NCKAP5: variants seen among roughly 807,000 people sequenced by gnomAD.
NCKAP5 encodes nck-associated protein 5.
In NCKAP5, 92 loss-of-function variants were observed where a neutral mutation model predicts 167.0. The ratio of observed to expected loss-of-function variants is 0.55; its 90% CI spans 0.47 to 0.66. NCKAP5 has a LOEUF of 0.66. Ranked by LOEUF, NCKAP5 falls within the 30% of genes least tolerant of loss-of-function variation. NCKAP5 has a pLI of 0.00. For synonymous variants in NCKAP5, 891 were observed against 877.4 expected (o/e 1.02, Z -0.27); for missense variants, 2,378 against 2,315.0 (o/e 1.03, Z -0.56).
In NCKAP5 at chr2:133,277,261, T is replaced by C. The variant is rs112538253; in HGVS notation, c.143+25776A>G. ...AAAACTGTATTTGTAGATGACATGG[T>C]AGTACTCCTGGAAAATGAAGAAAAT... On this transcript the variant is annotated intron_variant, in intron 4 of 19. Transcript: ENST00000409261. Among the ~76,000 whole-genome samples, 636 of 152,264 alleles carry C rather than the reference T, an allele frequency of 4.2e-3. 5 individuals are homozygous for C. Among genetic ancestry groups the C allele is most frequent in the African/African-American group, 0.015 (607 of 41,542 alleles).
At chr2:132,788,685 C>T (rs916423363) in intron 13 of NCKAP5, among the ~76,000 whole-genome samples, 6 of 152,140 alleles carry the variant, frequency 3.9e-5, no homozygotes, top group African/African-American at 1.4e-4. Flanking sequence ...GTAGGGCAGG[C>T]TAGTGCATTT....
In NCKAP5 at chr2:133,441,020, G is replaced by A. The variant is rs1428858459; in HGVS notation, c.69+76438C>T. 2.6e-5 allele frequency among the ~76,000 whole-genome samples: 4 copies of A among 151,976 alleles called. No homozygotes were observed. In the South Asian group the frequency reaches 6.2e-4, roughly 24 times the overall value. On this transcript the variant is annotated intron_variant, in intron 3 of 19. Coordinates refer to ENST00000409261, the MANE Select transcript of NCKAP5 (RefSeq NM_207363.3). Reference sequence around the variant, plus strand: ...CTGTGAAGAAATAATACATGTTCTTGCCTTTAAAGCTCCACATATTAGAAA... The same window carrying A: ...CTGTGAAGAAATAATACATGTTCTTACCTTTAAAGCTCCACATATTAGAAA...
At chr2:133,346,735 C>T (rs1445057874) in intron 3 of NCKAP5, among the ~76,000 whole-genome samples, 1 of 152,206 alleles carries the variant, frequency 6.6e-6, no homozygotes, top group African/African-American at 2.4e-5. Context: ...TAAATGTGTG[C>T]AACCAAGCTT....
chr2:133,123,112 T>A (rs754568351), intron 6 of NCKAP5: 20 of 152,270 alleles, frequency 1.3e-4, no homozygotes, highest in Non-Finnish European at 2.9e-4. Flanking sequence ...CAGGGATGAA[T>A]AATAGGCAAC....
intron 6 of NCKAP5, among the ~76,000 whole-genome samples, chr2:133,054,302 C>T (rs563933595): frequency 6.6e-6 from 1 of 152,170 alleles, no homozygotes; most frequent in South Asian, 2.1e-4. Flanking sequence ...AGGGAGAGAA[C>T]CTGTACAGAA....
intron 3 of NCKAP5, among the ~76,000 whole-genome samples, chr2:133,457,158 G>A (rs187652407): frequency 2.6e-5 from 4 of 152,236 alleles, no homozygotes; most frequent in Non-Finnish European, 4.4e-5. Context: ...CCATGTGGCC[G>A]GCCTGGAGAC....
At chr2:132,926,635 T>C (rs1398182051) in intron 8 of NCKAP5, among the ~76,000 whole-genome samples, 1 of 152,194 alleles carries the variant, frequency 6.6e-6, no homozygotes, top group African/African-American at 2.4e-5. Flanking sequence ...AATTAATGTT[T>C]AGCATTTTTT....
the NCKAP5 span, among the ~76,000 whole-genome samples, chr2:133,651,672 C>T: frequency 6.6e-6 from 1 of 152,006 alleles, no homozygotes; most frequent in Non-Finnish European, 1.5e-5. Context: ...TGTATTTATC[C>T]AAAAGAAATC....
chr2:133,574,177 T>G, the NCKAP5 span, among the ~76,000 whole-genome samples: 2 of 152,206 alleles, frequency 1.3e-5, no homozygotes, highest in African/African-American at 4.8e-5. Context: ...GTGTGAAACC[T>G]GGCTTATTGT....
At chr2:132,749,925 A>G (rs188301999) in intron 16 of NCKAP5, among the ~76,000 whole-genome samples, 1 of 152,286 alleles carries the variant, frequency 6.6e-6, no homozygotes, top group Non-Finnish European at 1.5e-5. Context: ...TTAAACTATG[A>G]TGCCATGAGC....
chr2:132,975,951 G>A (rs1302308527), intron 7 of NCKAP5, among the ~76,000 whole-genome samples: 1 of 152,176 alleles, frequency 6.6e-6, no homozygotes, highest in Admixed American at 6.5e-5. Flanking sequence ...GTTGTAAATG[G>A]TAGGTGGGTG....
intron 16 of NCKAP5, among the ~76,000 whole-genome samples, chr2:132,762,554 A>G (rs538029376): frequency 2.0e-5 from 3 of 152,100 alleles, no homozygotes; most frequent in Non-Finnish European, 4.4e-5. Context: ...CTTACTTAAT[A>G]TGTCTCACTG....
chr2:133,516,691 A>G (rs926857066), intron 3 of NCKAP5, among the ~76,000 whole-genome samples: 2 of 152,236 alleles, frequency 1.3e-5, no homozygotes, highest in African/African-American at 2.4e-5. Context: ...GGTGCTGAGC[A>G]TATACAAGTG....
chr2:133,492,568 T>C (rs1008277930), intron 3 of NCKAP5, among the ~76,000 whole-genome samples: 2 of 152,330 alleles, frequency 1.3e-5, no homozygotes, highest in Non-Finnish European at 1.5e-5. Context: ...AGGTTCTGTC[T>C]CTAACTAGTT....
intron 11 of NCKAP5, among the ~76,000 whole-genome samples, chr2:132,815,794 T>C (rs890756672): frequency 6.6e-6 from 1 of 152,248 alleles, no homozygotes; most frequent in Admixed American, 6.5e-5. Flanking sequence ...TAATGTTAAC[T>C]GCCTTATCAA....
chr2:133,526,340 G>T (rs996280086), intron 2 of NCKAP5, among the ~76,000 whole-genome samples: 1 of 127,094 alleles, frequency 7.9e-6, no homozygotes, highest in Admixed American at 8.5e-5. Context: ...AGGGAGGGAG[G>T]GAATACATGT....
chr2:133,185,545 T>C (rs1421327921), intron 5 of NCKAP5, among the ~76,000 whole-genome samples: 1 of 152,112 alleles, frequency 6.6e-6, no homozygotes, highest in East Asian at 1.9e-4. Context: ...ACCTATAAAT[T>C]GCTTTGGGCA....
At chr2:133,361,956 T>C (rs1405906732) in intron 3 of NCKAP5, among the ~76,000 whole-genome samples, 2 of 151,810 alleles carry the variant, frequency 1.3e-5, no homozygotes, top group Non-Finnish European at 2.9e-5. Context: ...AAAGAGTGTA[T>C]GGTAAGAAGA....
chr2:133,346,751 A>C (rs1358214395), intron 3 of NCKAP5, among the ~76,000 whole-genome samples: 1 of 152,214 alleles, frequency 6.6e-6, no homozygotes. Flanking sequence ...AGCTTCATCC[A>C]TGGATGGCGA....
Sources: allele counts gnomAD v4.1 joint callset (sites outside exome capture counted in the v4.1 genomes callset), GRCh38; gene constraint gnomAD v4.1.1; transcripts MANE v1.5; gene names NCBI Gene and HGNC (gene_info 2026-07-23, HGNC 2026-07-21).